EPB42: variants seen among roughly 807,000 people sequenced by gnomAD.
The protein encoded by EPB42 is protein 4.2.
In EPB42, 49 loss-of-function variants were observed where a neutral mutation model predicts 76.9. The ratio of observed to expected loss-of-function variants is 0.64; its 90% CI spans 0.51 to 0.81. EPB42 has a LOEUF of 0.81. Ranked by LOEUF, EPB42 falls within the 30% of genes least tolerant of loss-of-function variation. The pLI is 0.00. For missense variants in EPB42, 731 were observed against 867.6 expected, an observed-to-expected ratio of 0.84 and a Z score of 1.98; for synonymous variants, 310 against 338.4, an observed-to-expected ratio of 0.92 and a Z score of 0.92.
At chr15:43,219,427 T>G (rs1216622351) in intron 1 of EPB42, among the ~76,000 whole-genome samples, 1 of 152,238 alleles carries the variant, frequency 6.6e-6, no homozygotes, top group African/African-American at 2.4e-5. Flanking sequence ...ATTTAGCAAT[T>G]GGCTCTTGCA....
At chr15:43,222,403 A>C (rs2042470731), upstream of EPB42, among the ~76,000 whole-genome samples, 1 of 152,224 alleles carries the variant, frequency 6.6e-6, no homozygotes, top group South Asian at 2.1e-4. Flanking sequence ...AGAAATGTGA[A>C]GTGCTGTCAG....
chr15:43,204,657 C>T (rs2042173701), intron 10 of EPB42, among the ~76,000 whole-genome samples: 1 of 152,216 alleles, frequency 6.6e-6, no homozygotes, highest in Non-Finnish European at 1.5e-5. Context: ...CACATTCACA[C>T]ATTCACAAGC....
At chr15:43,215,063 T>C in intron 3 of EPB42, 32 bp downstream of exon 3, 1 of 1,591,048 alleles carries the variant, frequency 6.3e-7, no homozygotes, top group Non-Finnish European at 8.6e-7. Context: ...GGAGTCTCCA[T>C]GCAGCCCAGG....
Position 43,206,200 on chromosome 15 carries a change from G to A in EPB42, c.1618+130C>T, listed in dbSNP as rs1596407022. 3.2e-6 allele frequency: 3 copies of A among 936,302 alleles called. No individual in the cohort carries two copies. The highest frequency in any genetic ancestry group is 4.7e-6 in the Non-Finnish European group (3 of 642,636). The allele number at this position is 936,302 out of a possible 1,614,324, so 58.0% of individuals were successfully genotyped here. ...AATGAATGAATGAGAGAGAACATGA[G>A]AGTGAGCAGCAGGGGCTCAAAGCCA... On this transcript the variant is annotated intron_variant, in intron 10 of 12. Coordinates refer to ENST00000441366, the MANE Select transcript of EPB42 (RefSeq NM_001114134.2). This position sits in a 1 kb window ranked among gnomAD's most constrained non-coding sequence, Gnocchi z 4.7.
At chr15:43,221,178 T>G, upstream of EPB42, 1 of 360,082 alleles carries the variant, frequency 2.8e-6, no homozygotes, top group Non-Finnish European at 5.4e-6. Flanking sequence ...GAACAAACCT[T>G]GAAGCCTCTT....
chr15:43,221,105 A>G (rs1566821718), upstream of EPB42: 1 of 460,672 alleles, frequency 2.2e-6, no homozygotes, highest in Non-Finnish European at 4.0e-6. Flanking sequence ...CCAGGCAGGA[A>G]TACGCCTGGC....
chr15:43,199,460 C>A (rs1236581670), intron 12 of EPB42, among the ~76,000 whole-genome samples: 1 of 152,216 alleles, frequency 6.6e-6, no homozygotes. Context: ...TTTGGAATGG[C>A]TGTATTTACC....
At chr15:43,207,582 T>G in intron 8 of EPB42, 141 bp from the exon 9 acceptor site, 1 of 1,374,612 alleles carries the variant, frequency 7.3e-7, no homozygotes, top group East Asian at 2.4e-5. Context: ...TAGGCAGGGT[T>G]TCTGAGAGAG....
upstream of EPB42, among the ~76,000 whole-genome samples, chr15:43,224,772 T>G (rs749005154): frequency 6.6e-6 from 1 of 152,108 alleles, no homozygotes; most frequent in Non-Finnish European, 1.5e-5. Flanking sequence ...CAAGCTTGAT[T>G]TGTATGTTTG....
chr15:43,203,513 C>T lies in EPB42; in HGVS notation c.1619-238G>A, dbSNP rs145306551. Among the ~76,000 whole-genome samples the T allele has an allele frequency of 1.8e-3, 272 of 152,312 alleles. 1 individual carries two copies. In the Middle Eastern group the frequency reaches 0.027, roughly 15 times the overall value. ...CTCAGTGGGGTTGGGAAAGGGTCCC[C>T]TGTGAACTGGAACAAGTTAAGCTCT... On this transcript the variant is annotated intron_variant, in intron 10 of 12. Coordinates refer to ENST00000441366, the MANE Select transcript of EPB42 (RefSeq NM_001114134.2).
intron 3 of EPB42, among the ~76,000 whole-genome samples, chr15:43,211,785 C>G (rs1165673205): frequency 6.6e-6 from 1 of 152,174 alleles, no homozygotes; most frequent in African/African-American, 2.4e-5. Context: ...AAAAGCTTGG[C>G]TGGCCAGGTG....
upstream of EPB42, chr15:43,221,146 A>T (rs1395439113): frequency 5.0e-6 from 2 of 403,404 alleles, no homozygotes; most frequent in East Asian, 1.2e-4. Context: ...GATGGGGAAG[A>T]CCTGCCAACT....
chr15:43,201,718 T>C, intron 12 of EPB42, 126 bp downstream of exon 12: 1 of 1,379,960 alleles, frequency 7.2e-7, no homozygotes, highest in Non-Finnish European at 1.0e-6. Context: ...CCCTAATCCT[T>C]TAGTTTAGTT....
chr15:43,208,766 C>A lies in EPB42; in HGVS notation c.842G>T (p.Cys281Phe), dbSNP rs1437983852. The A allele has an allele frequency of 1.9e-6, 3 of 1,613,972 alleles. No individual in the cohort carries two copies. Residue 281 changes from cysteine to phenylalanine, a missense_variant, in exon 7 of 13, where the codon TGC becomes TTC. Physicochemically the swap from Cys to Phe is radical, Grantham distance 205. Coordinates refer to ENST00000441366, the MANE Select transcript of EPB42 (RefSeq NM_001114134.2). ...LAAVACTVLRCLGIPARVVTT... is the reference protein window; with the variant it reads ...LAAVACTVLRFLGIPARVVTT... Reference sequence around the variant, plus strand: ...CACCACGCGGGCAGGGATTCCCAGGCATCGCAGCACTGTGAGAAGAGGGGC... The same window carrying A: ...CACCACGCGGGCAGGGATTCCCAGGAATCGCAGCACTGTGAGAAGAGGGGC...
At chr15:43,208,172 C>G (rs539267001) in intron 8 of EPB42, 58 bp downstream of exon 8, 2 of 1,506,502 alleles carry the variant, frequency 1.3e-6, no homozygotes, top group African/African-American at 2.7e-5. Flanking sequence ...CGAGTCCTCT[C>G]TGGGGACTTC....
intron 12 of EPB42, among the ~76,000 whole-genome samples, chr15:43,201,343 ATAAGT>A (rs1452979772): frequency 2.0e-5 from 3 of 152,244 alleles, no homozygotes; most frequent in Non-Finnish European, 2.9e-5. Context: ...ATAAATTTAT[ATAAGT>A]TAAAAGTACA....
In EPB42 at chr15:43,202,556, A is replaced by G. The variant is rs1462565382; in HGVS notation, c.1779+559T>C. On this transcript the variant is annotated intron_variant, in intron 11 of 12. Coordinates refer to ENST00000441366, the MANE Select transcript of EPB42 (RefSeq NM_001114134.2). The stretch of plus-strand genomic sequence containing the variant: ...TATTCCATAGCAACTTTGTGCATCT[A>G]TTAAAGCACTTATCTGGAAGACCAA... 2.0e-5 allele frequency among the ~76,000 whole-genome samples: 3 copies of G among 152,346 alleles called. No homozygotes were observed. The East Asian group carries it at 5.8e-4, about 29-fold the overall frequency.
upstream of EPB42, among the ~76,000 whole-genome samples, chr15:43,225,579 T>C (rs961176037): frequency 1.3e-5 from 2 of 152,214 alleles, no homozygotes; most frequent in African/African-American, 4.8e-5. Context: ...CCGCGTTAGA[T>C]ACTGGTGGTA....
At chr15:43,220,694 C>A (rs1164260101) in intron 1 of EPB42, 122 bp downstream of exon 1, 3 of 1,579,688 alleles carry the variant, frequency 1.9e-6, no homozygotes, top group South Asian at 1.1e-5. Flanking sequence ...CCCCCTCCCC[C>A]ACCATAGTTA....
Sources: allele counts gnomAD v4.1 joint callset (sites outside exome capture counted in the v4.1 genomes callset), GRCh38; gene constraint gnomAD v4.1.1; non-coding constraint Gnocchi (gnomAD v3.1); transcripts MANE v1.5; gene names NCBI Gene and HGNC (gene_info 2026-07-23, HGNC 2026-07-21).